Variants in DCC observed in about 807,000 individuals in gnomAD.
DCC encodes DCC netrin 1 receptor.
Under a neutral mutation model 172.5 loss-of-function variants are expected in DCC, and 58 were observed. That is an observed-to-expected ratio of 0.34 (90% CI 0.27 to 0.42). DCC has a LOEUF of 0.42. Among genes scored for constraint, DCC ranks in the 10% least tolerant of loss-of-function variants. The pLI, the probability that DCC is intolerant of heterozygous loss-of-function variation, is 1.00. For missense variants in DCC, 1,740 were observed against 1,791.0 expected, an observed-to-expected ratio of 0.97 and a Z score of 0.51; for synonymous variants, 709 against 644.5, an observed-to-expected ratio of 1.10 and a Z score of -1.52.
chr18:53,484,906 T>A (rs758106172), intron 25 of DCC, among the ~76,000 whole-genome samples: 2 of 152,078 alleles, frequency 1.3e-5, no homozygotes, highest in Non-Finnish European at 2.9e-5. Context: ...CCCATTTATA[T>A]GTGAAATATA....
intron 2 of DCC, among the ~76,000 whole-genome samples, chr18:52,834,508 C>T (rs1041628033): frequency 1.4e-4 from 21 of 152,198 alleles, no homozygotes; most frequent in African/African-American, 4.6e-4. Context: ...GCAACGTTTC[C>T]GAACTTTTTG....
intron 1 of DCC, among the ~76,000 whole-genome samples, chr18:52,628,785 G>T (rs139792625): frequency 4.7e-4 from 72 of 152,300 alleles, no homozygotes; most frequent in African/African-American, 1.7e-3. Flanking sequence ...GGAAGAGCTG[G>T]CCTGAGCTAG....
intron 1 of DCC, among the ~76,000 whole-genome samples, chr18:52,716,154 T>C (rs1467474010): frequency 6.6e-6 from 1 of 152,248 alleles, no homozygotes; most frequent in Non-Finnish European, 1.5e-5. Flanking sequence ...GGCCCTGGCC[T>C]GCCTGCCCCA....
chr18:53,063,519 CTTG>C (rs1275508554), intron 6 of DCC, 60 bp downstream of exon 6: 38 of 1,335,568 alleles, frequency 2.8e-5, no homozygotes, highest in Non-Finnish European at 4.0e-5. Context: ...ATTTTTTTCA[CTTG>C]TTTTTATTTC....
intron 1 of DCC, among the ~76,000 whole-genome samples, chr18:52,470,209 G>T (rs1000961432): frequency 6.6e-6 from 1 of 152,164 alleles, no homozygotes; most frequent in Non-Finnish European, 1.5e-5. Context: ...CTTAGGAATA[G>T]CCCTGATTCT....
intron 1 of DCC, among the ~76,000 whole-genome samples, chr18:52,654,945 A>C (rs1437044804): frequency 6.6e-6 from 1 of 152,202 alleles, no homozygotes; most frequent in Non-Finnish European, 1.5e-5. Context: ...TGCTATAAGC[A>C]TAAACCACCC....
intron 2 of DCC, among the ~76,000 whole-genome samples, chr18:52,770,101 C>G (rs2037316026): frequency 6.6e-6 from 1 of 152,150 alleles, no homozygotes; most frequent in Non-Finnish European, 1.5e-5. Flanking sequence ...AAATATAAAC[C>G]TTTAGTGAAA....
chr18:53,344,548 T>C (rs2057700943), intron 15 of DCC, among the ~76,000 whole-genome samples: 2 of 141,764 alleles, frequency 1.4e-5, no homozygotes, highest in African/African-American at 2.6e-5. Context: ...GTTCAAGCAA[T>C]CTCCTGCCTC....
chr18:53,454,557 A>G (rs2045460199), intron 23 of DCC, among the ~76,000 whole-genome samples: 1 of 152,216 alleles, frequency 6.6e-6, no homozygotes, highest in Admixed American at 6.5e-5. Flanking sequence ...TTACCTGGGT[A>G]GGTGATCTAC....
At chr18:52,664,089 T>C (rs1484162997) in intron 1 of DCC, among the ~76,000 whole-genome samples, 2 of 152,250 alleles carry the variant, frequency 1.3e-5, no homozygotes, top group Non-Finnish European at 2.9e-5. Context: ...AGATAGTTGC[T>C]TTATCATTAT....
intron 5 of DCC, among the ~76,000 whole-genome samples, chr18:53,048,524 T>TGTGC (rs2042290225): frequency 6.7e-6 from 1 of 149,656 alleles, no homozygotes; most frequent in Non-Finnish European, 1.5e-5. Context: ...TGTGTGTGTG[T>TGTGC]GTATACATAT....
intron 5 of DCC, among the ~76,000 whole-genome samples, chr18:53,018,447 A>ATATT (rs1259446502): frequency 6.6e-6 from 1 of 152,180 alleles, no homozygotes; most frequent in Admixed American, 6.5e-5. Flanking sequence ...AAGTGTTTAC[A>ATATT]TATTCCATTC....
chr18:53,034,509 C>G (rs972073838), intron 5 of DCC, among the ~76,000 whole-genome samples: 1 of 152,046 alleles, frequency 6.6e-6, no homozygotes, highest in Non-Finnish European at 1.5e-5. Context: ...AAAATATAAT[C>G]AAAATACAGA....
chr18:52,991,008 T>G lies in DCC; in HGVS notation c.985+65638T>G, dbSNP rs1368220347. ...GCCAAGACAGGTTACATAAATCGCC[T>G]AAGTTCATACAGCTAGTAAGCGGAG... is the stretch of plus-strand genomic sequence containing the variant. On this transcript the variant is annotated intron_variant, in intron 5 of 28. Transcript: ENST00000442544. Among the ~76,000 whole-genome samples the G allele has an allele frequency of 3.3e-5, 5 of 152,202 alleles. No homozygotes were observed. The East Asian group carries it at 7.7e-4, about 23-fold the overall frequency.
intron 1 of DCC, among the ~76,000 whole-genome samples, chr18:52,400,373 A>T (rs1272053923): frequency 6.6e-6 from 1 of 152,030 alleles, no homozygotes; most frequent in African/African-American, 2.4e-5. Context: ...ATTTTAAGGA[A>T]TCAGTTCAAA....
chr18:53,456,045 G>A (rs1381078122), intron 23 of DCC, among the ~76,000 whole-genome samples: 7 of 152,194 alleles, frequency 4.6e-5, no homozygotes, highest in Non-Finnish European at 8.8e-5. Context: ...TTATCACAAA[G>A]GGAGCAGCTG....
At chr18:53,228,338 AG>A (rs1183753929) in intron 12 of DCC, among the ~76,000 whole-genome samples, 2 of 152,202 alleles carry the variant, frequency 1.3e-5, no homozygotes, top group African/African-American at 4.8e-5. Flanking sequence ...AAGAATTTAA[AG>A]GTTATTTCCG....
intron 1 of DCC, among the ~76,000 whole-genome samples, chr18:52,507,098 G>A (rs2031257621): frequency 6.6e-6 from 1 of 152,100 alleles, no homozygotes; most frequent in Non-Finnish European, 1.5e-5. Context: ...GAGGCTGTTT[G>A]CTAACTCAAG....
At chr18:52,746,689 A>G (rs2036909858) in intron 1 of DCC, among the ~76,000 whole-genome samples, 2 of 152,188 alleles carry the variant, frequency 1.3e-5, no homozygotes, top group East Asian at 1.9e-4. Flanking sequence ...AGTTTCTAAA[A>G]TATATTAAGA....
Sources: allele counts gnomAD v4.1 joint callset (sites outside exome capture counted in the v4.1 genomes callset), GRCh38; gene constraint gnomAD v4.1.1; transcripts MANE v1.5; gene names NCBI Gene and HGNC (gene_info 2026-07-23, HGNC 2026-07-21).